Variants in CGGBP1 observed in about 807,000 individuals in gnomAD.
The protein encoded by CGGBP1 is CGG triplet repeat-binding protein 1.
CGGBP1 carries 4 observed loss-of-function variants against 11.4 expected under a neutral mutation model. That is an observed-to-expected ratio of 0.35 (90% CI 0.17 to 0.80). CGGBP1 has a LOEUF of 0.80. CGGBP1 is among the 30% of genes least tolerant of loss of function. CGGBP1 has a pLI of 0.52. For missense variants in CGGBP1, 135 were observed against 202.1 expected, an observed-to-expected ratio of 0.67 and a Z score of 2.01; for synonymous variants, 76 against 74.1, an observed-to-expected ratio of 1.03 and a Z score of -0.13.
upstream of CGGBP1, chr3:88,059,196 G>C: frequency 7.0e-7 from 1 of 1,438,464 alleles, no homozygotes; most frequent in Non-Finnish European, 9.1e-7. Context: ...CCAGCCGAGA[G>C]GCCCCTGTCC....
intron 2 of CGGBP1, among the ~76,000 whole-genome samples, chr3:88,077,787 C>T (rs1707893674): frequency 1.3e-5 from 2 of 152,246 alleles, no homozygotes; most frequent in South Asian, 2.1e-4. Context: ...TGTCAAATAT[C>T]TTGGTTCAAA....
At chr3:88,093,483 C>T (rs549826945) in intron 2 of CGGBP1, among the ~76,000 whole-genome samples, 1 of 152,288 alleles carries the variant, frequency 6.6e-6, no homozygotes, top group African/African-American at 2.4e-5. Context: ...GGAGGAGGAA[C>T]TAGTTCAGCT....
intron 1 of CGGBP1, chr3:88,144,405 T>C (rs994434725): frequency 2.0e-5 from 3 of 152,462 alleles, no homozygotes; most frequent in Non-Finnish European, 2.9e-5. Context: ...TATTTGGTAC[T>C]GTAAAACACC....
At chr3:88,071,472 ATCT>A (rs1486709686) in intron 2 of CGGBP1, among the ~76,000 whole-genome samples, 6 of 152,136 alleles carry the variant, frequency 3.9e-5, no homozygotes, top group African/African-American at 1.4e-4. Flanking sequence ...GTGAAACCCC[ATCT>A]CTACTAAAAA....
At chr3:88,094,065 G>A (rs370551500) in intron 2 of CGGBP1, among the ~76,000 whole-genome samples, 8 of 150,292 alleles carry the variant, frequency 5.3e-5, no homozygotes, top group South Asian at 2.1e-4. Flanking sequence ...GTCGTCTAGC[G>A]TTCTATTTCT....
At chr3:88,095,577 T>C in intron 2 of CGGBP1, 1 of 520,930 alleles carries the variant, frequency 1.9e-6, no homozygotes, top group Non-Finnish European at 3.9e-6. Context: ...AAAACATAAA[T>C]TGCCACAGGA....
chr3:88,071,678 C>T (rs1321631386), intron 2 of CGGBP1, among the ~76,000 whole-genome samples: 2 of 151,140 alleles, frequency 1.3e-5, no homozygotes, highest in Admixed American at 1.3e-4. Flanking sequence ...GTGGCGGGTG[C>T]CTTTAATCTC....
chr3:88,062,118 C>G (rs555813595), upstream of CGGBP1, among the ~76,000 whole-genome samples: 1 of 152,256 alleles, frequency 6.6e-6, no homozygotes, highest in African/African-American at 2.4e-5. Flanking sequence ...TCCCTTGGCT[C>G]TTGTTAGCTG....
At chr3:88,148,282 T>A (rs1707345127) in intron 1 of CGGBP1, among the ~76,000 whole-genome samples, 1 of 152,234 alleles carries the variant, frequency 6.6e-6, no homozygotes, top group East Asian at 1.9e-4. Context: ...CAAGCATTGT[T>A]TTTTGTCCCC....
chr3:88,126,136 A>G (rs1706086562), intron 2 of CGGBP1: 1 of 1,505,632 alleles, frequency 6.6e-7, no homozygotes, highest in Admixed American at 2.2e-5. Flanking sequence ...TCTCCTAGGA[A>G]TGCCAGAATC....
intron 2 of CGGBP1, among the ~76,000 whole-genome samples, chr3:88,067,965 C>A (rs1160427568): frequency 6.6e-6 from 1 of 150,616 alleles, no homozygotes; most frequent in African/African-American, 2.4e-5. Context: ...AAGGAAGATA[C>A]AAATCTACAA....
At chr3:88,140,783 A>T (rs1247574847) in intron 2 of CGGBP1, 1 of 1,613,778 alleles carries the variant, frequency 6.2e-7, no homozygotes, top group Non-Finnish European at 8.5e-7. Flanking sequence ...AACATACTTC[A>T]TATGGCTTAA....
At chr3:88,072,377 A>G (rs988665971) in intron 2 of CGGBP1, among the ~76,000 whole-genome samples, 28 of 152,180 alleles carry the variant, frequency 1.8e-4, no homozygotes, top group African/African-American at 6.5e-4. Flanking sequence ...ATACTTCTGT[A>G]TCTCAGAGTC....
chr3:88,055,817 G>A lies in CGGBP1; in HGVS notation c.160C>T (p.Arg54Cys), dbSNP rs1350839978. 6.2e-7 allele frequency: 1 copy of A among 1,614,112 alleles called. No homozygotes were observed. The highest frequency in any genetic ancestry group is 1.7e-5 in the Admixed American group (1 of 60,014). ...TSCNVVLNHV[R>C]KSAISDHLKS... ...AGGTGGTCACTAATGGCAGACTTGC[G>A]AACATGATTCAGAACCACATTGCAA... The change falls in exon 4 of 4, where the codon CGC (arginine) becomes TGC (cysteine). Residue 54 changes from arginine to cysteine, a missense_variant. Coordinates refer to ENST00000482016, the MANE Select transcript of CGGBP1 (RefSeq NM_001008390.2). The surrounding 1 kb of genome is among the most constrained non-coding windows in gnomAD (Gnocchi z 4.2).
At chr3:88,100,313 T>C (rs1704334267) in intron 2 of CGGBP1, among the ~76,000 whole-genome samples, 1 of 151,980 alleles carries the variant, frequency 6.6e-6, no homozygotes, top group Non-Finnish European at 1.5e-5. Flanking sequence ...CATTAAAAAG[T>C]CAGGAAACAA....
At chr3:88,059,161 G>A (rs1706680670), upstream of CGGBP1, 3 of 1,360,408 alleles carry the variant, frequency 2.2e-6, no homozygotes, top group Non-Finnish European at 2.9e-6. Flanking sequence ...CTGGGGGCGT[G>A]GGTGGGCGGA....
chr3:88,102,252 A>C (rs1458697102), intron 2 of CGGBP1, among the ~76,000 whole-genome samples: 1 of 152,158 alleles, frequency 6.6e-6, no homozygotes, highest in Non-Finnish European at 1.5e-5. Context: ...AAATGTCCTC[A>C]AAAAACTTTT....
intron 2 of CGGBP1, among the ~76,000 whole-genome samples, chr3:88,096,667 T>G (rs1384534584): frequency 3.3e-5 from 5 of 152,170 alleles, no homozygotes; most frequent in African/African-American, 1.2e-4. Context: ...ATGTATATAA[T>G]GTACCCTTTT....
intron 2 of CGGBP1, among the ~76,000 whole-genome samples, chr3:88,075,039 T>A (rs1439175596): frequency 6.6e-6 from 1 of 152,250 alleles, no homozygotes; most frequent in African/African-American, 2.4e-5. Flanking sequence ...TCCTAATTTC[T>A]GTCTTTTTGC....
Sources: allele counts gnomAD v4.1 joint callset (sites outside exome capture counted in the v4.1 genomes callset), GRCh38; gene constraint gnomAD v4.1.1; non-coding constraint Gnocchi (gnomAD v3.1); transcripts MANE v1.5; gene names NCBI Gene and HGNC (gene_info 2026-07-23, HGNC 2026-07-21).